The following RBFOX2 variants were observed in gnomAD, a reference collection of about 807,000 sequenced individuals.
RBFOX2 encodes RNA binding protein fox-1 homolog 2.
In RBFOX2, 10 loss-of-function variants were observed where a neutral mutation model predicts 49.1. The ratio of observed to expected loss-of-function variants is 0.20; its 90% confidence interval spans 0.13 to 0.35. The LOEUF (loss-of-function observed/expected upper bound fraction) is 0.35. Ranked by LOEUF, RBFOX2 falls within the 10% of genes least tolerant of loss-of-function variation. The pLI is 1.00. For missense variants in RBFOX2, 323 were observed against 486.9 expected (o/e 0.66, Z 3.17); for synonymous variants, 183 against 187.4 (o/e 0.98, Z 0.19).
At chr22:35,816,294 A>T (rs113997850) in intron 1 of RBFOX2, among the ~76,000 whole-genome samples, 2,207 of 152,248 alleles carry the variant, frequency 0.014, 49 homozygotes, top group African/African-American at 0.051. Context: ...TCTAAAGACA[A>T]CCAAGCTATT....
chr22:35,791,204 G>A (rs1372646141), intron 2 of RBFOX2, among the ~76,000 whole-genome samples: 2 of 152,086 alleles, frequency 1.3e-5, no homozygotes, highest in Admixed American at 1.3e-4. Context: ...GGCCAACATG[G>A]TGAAACCTCG....
At position 35,952,100 on chromosome 22, in the gene RBFOX2, A is replaced by T. The variant is rs1378032621; in HGVS notation, c.42+9463T>A. Among the ~76,000 whole-genome samples, 6 of 152,122 alleles carry T rather than the reference A, an allele frequency of 3.9e-5. No homozygotes were observed. The South Asian group carries it at 1.2e-3, about 31-fold the overall frequency. On this transcript the variant is annotated intron_variant, in intron 1 of 5. Coordinates refer to the RBFOX2 transcript ENST00000408983. Reference sequence around the variant, plus strand: ...GCTTATGTGAACAGCCCCCTTCACCATCCCCAGCCAAAAAATCTCAGCACT... The same window carrying T: ...GCTTATGTGAACAGCCCCCTTCACCTTCCCCAGCCAAAAAATCTCAGCACT...
At chr22:35,770,105 G>A (rs1942240605) in intron 4 of RBFOX2, among the ~76,000 whole-genome samples, 1 of 152,082 alleles carries the variant, frequency 6.6e-6, no homozygotes, top group South Asian at 2.1e-4. Flanking sequence ...ACACCACAAG[G>A]TATAAAAGGG....
At chr22:35,977,201 G>C (rs1403423246) in intron 1 of RBFOX2, among the ~76,000 whole-genome samples, 1 of 152,036 alleles carries the variant, frequency 6.6e-6, no homozygotes, top group Non-Finnish European at 1.5e-5. Context: ...CCAAATAGTG[G>C]AAAGAATGTA....
intron 1 of RBFOX2, among the ~76,000 whole-genome samples, chr22:35,967,364 C>T (rs922142426): frequency 7.4e-5 from 11 of 148,774 alleles, no homozygotes; most frequent in African/African-American, 2.2e-4. Flanking sequence ...GGCAACAGAG[C>T]GAGACCTTGT....
chr22:35,813,415 T>C (rs914983560), intron 1 of RBFOX2, among the ~76,000 whole-genome samples: 7 of 152,216 alleles, frequency 4.6e-5, no homozygotes, highest in African/African-American at 1.7e-4. Context: ...TTGTTTCTAT[T>C]ACCAGAGGCT....
intron 2 of RBFOX2, among the ~76,000 whole-genome samples, chr22:35,795,355 C>T (rs1202345648): frequency 1.3e-5 from 2 of 152,026 alleles, no homozygotes; most frequent in African/African-American, 4.8e-5. Context: ...GCTAATGACA[C>T]CTACACTGTG....
intron 6 of RBFOX2, among the ~76,000 whole-genome samples, chr22:35,763,252 C>T (rs1939630459): frequency 6.6e-6 from 1 of 152,098 alleles, no homozygotes; most frequent in African/African-American, 2.4e-5. Context: ...CCACTATTGC[C>T]TGAGCATTCC....
At chr22:35,892,329 T>C (rs2047346205) in intron 1 of RBFOX2, among the ~76,000 whole-genome samples, 1 of 152,174 alleles carries the variant, frequency 6.6e-6, no homozygotes, top group South Asian at 2.1e-4. Flanking sequence ...CACCACCTCA[T>C]GCTGCCAACT....
chr22:35,954,567 C>T (rs975298844), intron 1 of RBFOX2, among the ~76,000 whole-genome samples: 1 of 152,186 alleles, frequency 6.6e-6, no homozygotes, highest in Admixed American at 6.5e-5. Context: ...GGGTTAACTA[C>T]CTAAAACACC....
chr22:35,898,399 C>T (rs528447448), intron 1 of RBFOX2: 331 of 522,478 alleles, frequency 6.3e-4, no homozygotes, highest in Non-Finnish European at 9.9e-4. Flanking sequence ...GTGCAGCGGC[C>T]GCCATCTTCT....
intron 1 of RBFOX2, among the ~76,000 whole-genome samples, chr22:35,832,110 G>A (rs972032414): frequency 3.3e-5 from 5 of 152,156 alleles, no homozygotes; most frequent in South Asian, 2.1e-4. Flanking sequence ...GATGGCTCAC[G>A]CCAGTAATCC....
At chr22:36,005,320 A>C (rs981747746) in intron 1 of RBFOX2, among the ~76,000 whole-genome samples, 2 of 152,258 alleles carry the variant, frequency 1.3e-5, no homozygotes, top group African/African-American at 4.8e-5. Flanking sequence ...TCTAGAAGGA[A>C]GCATAAAATA....
chr22:35,738,813 A>G (rs1928301838), exon 12 of RBFOX2: 18 of 152,582 alleles, frequency 1.2e-4, no homozygotes, highest in Admixed American at 1.2e-3. Flanking sequence ...TCCTTCGCTT[A>G]GAGTTTATAA....
intron 1 of RBFOX2, among the ~76,000 whole-genome samples, chr22:35,848,322 A>G (rs2041472811): frequency 2.6e-5 from 4 of 152,316 alleles, no homozygotes; most frequent in Admixed American, 1.3e-4. Flanking sequence ...AAATCCACAA[A>G]TATATCAAAA....
intron 1 of RBFOX2, among the ~76,000 whole-genome samples, chr22:35,875,258 T>G (rs2044874297): frequency 6.6e-6 from 1 of 152,128 alleles, no homozygotes; most frequent in African/African-American, 2.4e-5. Flanking sequence ...AACAGAAAAG[T>G]AAAGGAAAGA....
At position 35,749,540 on chromosome 22, in the gene RBFOX2, T is replaced by TA. The variant is rs1934126144; in HGVS notation, c.888-2980dup. ...ACACACGCACACACACACATACACT[T>TA]ACTCGAAAGTATTTTTGCTGCTTTA... On this transcript the variant is annotated intron_variant, in intron 9 of 11. Transcript: ENST00000405409. This position sits in a 1 kb window ranked among gnomAD's most constrained non-coding sequence, Gnocchi z 4.1. Among the ~76,000 whole-genome samples the TA allele has an allele frequency of 6.6e-6, 1 of 152,072 alleles. No individual in the cohort carries two copies. The highest frequency in any genetic ancestry group is 2.4e-5 in the African/African-American group (1 of 41,430).
rs1035901697 is a variant in RBFOX2 at position 35,749,526 on chromosome 22, C to T, written c.888-2965G>A. Among the ~76,000 whole-genome samples the T allele has an allele frequency of 1.3e-5, 2 of 152,146 alleles. No homozygotes were observed. Among genetic ancestry groups the T allele is most frequent in the African/African-American group, 2.4e-5 (1 of 41,432 alleles). On this transcript the variant is annotated intron_variant, in intron 9 of 11. Coordinates refer to ENST00000405409, the Ensembl canonical transcript of RBFOX2. This position sits in a 1 kb window ranked among gnomAD's most constrained non-coding sequence, Gnocchi z 4.1. The stretch of plus-strand genomic sequence containing the variant: ...TCTCTCTTACACACACACACGCACA[C>T]ACACACATACACTTACTCGAAAGTA...
intron 1 of RBFOX2, among the ~76,000 whole-genome samples, chr22:35,867,570 G>A (rs1328705463): frequency 6.6e-6 from 1 of 152,046 alleles, no homozygotes; most frequent in Non-Finnish European, 1.5e-5. Context: ...TTTTTAATTT[G>A]TTATTCATGT....
Sources: gnomAD v4.1 joint callset for allele counts (sites outside exome capture counted in the v4.1 genomes callset) on GRCh38, gnomAD v4.1.1 for gene constraint, Gnocchi (gnomAD v3.1) non-coding constraint, MANE v1.5 for transcripts, NCBI Gene and HGNC (gene_info 2026-07-23, HGNC 2026-07-21) for gene names.